Variants in CFAP57 observed in about 807,000 individuals in gnomAD.
The protein encoded by CFAP57 is cilia- and flagella-associated protein 57.
Under a neutral mutation model 146.8 loss-of-function variants are expected in CFAP57, and 116 were observed. The observed-to-expected ratio is 0.79, with a 90% CI of 0.68 to 0.92. CFAP57 has a LOEUF of 0.92. CFAP57 is among the 40% of genes least tolerant of loss of function. The pLI, the probability that CFAP57 is intolerant of heterozygous loss-of-function variation, is 0.00. For synonymous variants in CFAP57, 518 were observed against 552.8 expected, an observed-to-expected ratio of 0.94 and a Z score of 0.88; for missense variants, 1,377 against 1,527.2, an observed-to-expected ratio of 0.90 and a Z score of 1.64.
intron 2 of CFAP57, among the ~76,000 whole-genome samples, chr1:43,178,166 A>G (rs1255789245): frequency 6.6e-6 from 1 of 152,256 alleles, no homozygotes; most frequent in Non-Finnish European, 1.5e-5. Context: ...TAAGTGTTAG[A>G]CCTGAAACCA....
At chr1:43,218,099 C>T (rs968094501) in intron 12 of CFAP57, among the ~76,000 whole-genome samples, 1 of 152,196 alleles carries the variant, frequency 6.6e-6, no homozygotes, top group African/African-American at 2.4e-5. Flanking sequence ...TGTGCGTAAT[C>T]CATTCCTTGA....
At position 43,209,760 on chromosome 1, in the gene CFAP57, G is replaced by T; in HGVS notation, c.1773G>T (p.Ser591=). 6.2e-7 allele frequency: 1 copy of T among 1,614,098 alleles called. No individual in the cohort carries two copies. The highest frequency in any genetic ancestry group is 1.1e-5 in the South Asian group (1 of 91,062). The change falls in exon 11 of 23, where the codon TCG becomes TCT. Residue 591 remains serine, a synonymous_variant. Transcript: ENST00000372492. ...IADSLILREI[S]AFDVTYTAIV... ...TGTCTCAGATCCTTCGAGAGATATC[G>T]GCGTTTGATGTCACCTACACCGCCA... is the stretch of plus-strand genomic sequence containing the variant.
intron 2 of CFAP57, among the ~76,000 whole-genome samples, chr1:43,179,278 TATAATA>T (rs149860494): frequency 0.17 from 26,468 of 151,798 alleles, 3,222 homozygotes; most frequent in African/African-American, 0.32. Context: ...GAACTTAAAG[TATAATA>T]ATAATAATAA....
chr1:43,251,994 TG>T lies in CFAP57; in HGVS notation c.3539-1982del, dbSNP rs374089126. Among the ~76,000 whole-genome samples, 251 of 152,368 alleles carry T rather than the reference TG, an allele frequency of 1.6e-3. 1 individual carries two copies. The highest frequency in any genetic ancestry group is 5.5e-3 in the African/African-American group (228 of 41,598). On this transcript the variant is annotated intron_variant, in intron 22 of 22. Transcript: ENST00000372492. ...GAATGGAATGTAGAATAAGAGATACTGTTCTTTGTAATAAGCCTTATAGAGT... is the reference window on the plus strand; with the variant it reads ...GAATGGAATGTAGAATAAGAGATACTTTCTTTGTAATAAGCCTTATAGAGT...
At chr1:43,186,965 A>C in intron 6 of CFAP57, 106 bp downstream of exon 6, 23 of 1,360,402 alleles carry the variant, frequency 1.7e-5, no homozygotes, top group Non-Finnish European at 2.1e-5. Context: ...GCATAAACTC[A>C]TGCATCCCCT....
rs1341684080 is a variant in CFAP57 at position 43,222,806 on chromosome 1, C to G, written c.2533-18C>G. On this transcript the variant is annotated intron_variant, in intron 15 of 22. Coordinates refer to ENST00000372492, the MANE Select transcript of CFAP57 (RefSeq NM_001378189.1). ...AGTCCCTTCTCCCCTGACCACACGC[C>G]CACTCTCTCTGAGCCAGGCACAGGA... The G allele has an allele frequency of 6.6e-7, 1 of 1,524,164 alleles. No individual in the cohort carries two copies. The highest frequency in any genetic ancestry group is 2.5e-5 in the East Asian group (1 of 40,678). The allele number at this position is 1,524,164 out of a possible 1,614,324, so 94.4% of individuals were successfully genotyped here.
At chr1:43,173,887 T>C (rs929171152) in intron 2 of CFAP57, among the ~76,000 whole-genome samples, 1 of 152,236 alleles carries the variant, frequency 6.6e-6, no homozygotes, top group African/African-American at 2.4e-5. Context: ...TAGAAGTGCA[T>C]AAGAGTTCTT....
chr1:43,200,276 A>G (rs992765051), intron 9 of CFAP57, among the ~76,000 whole-genome samples: 5 of 152,140 alleles, frequency 3.3e-5, no homozygotes, highest in African/African-American at 9.7e-5. Context: ...GCTTGCACTC[A>G]GGAGTTCGAG....
At chr1:43,199,326 C>G in intron 8 of CFAP57, 64 bp from the exon 9 acceptor site, 1 of 1,511,490 alleles carries the variant, frequency 6.6e-7, no homozygotes, top group Non-Finnish European at 9.2e-7. Context: ...CACCTCTTGA[C>G]TGTAACCTCT....
chr1:43,234,546 C>T lies in CFAP57; in HGVS notation c.3313C>T (p.Arg1105Trp), dbSNP rs1349171718. ...CCTGCAGCAGGAGTACACCCGGCAG[C>T]GGGAGCACCTGGAGAGGAACCTGGC... ...TDLQQEYTRQ[R>W]EHLERNLATL... Residue 1105 changes from arginine (R) to tryptophan (W), a missense_variant, in exon 21 of 23, where the codon CGG becomes TGG. Coordinates refer to ENST00000372492, the MANE Select transcript of CFAP57 (RefSeq NM_001378189.1). 41 of 1,550,220 alleles carry T rather than the reference C, an allele frequency of 2.6e-5. No individual in the cohort carries two copies. The highest frequency in any genetic ancestry group is 2.8e-5 in the Non-Finnish European group (32 of 1,146,894).
intron 6 of CFAP57, among the ~76,000 whole-genome samples, chr1:43,192,778 T>C (rs192836376): frequency 6.7e-6 from 1 of 149,994 alleles, no homozygotes; most frequent in Admixed American, 6.7e-5. Flanking sequence ...TACAAAAAAA[T>C]TAGCTGGGCG....
intron 5 of CFAP57, 44 bp downstream of exon 5, chr1:43,185,400 G>T: frequency 6.3e-7 from 1 of 1,575,762 alleles, no homozygotes; most frequent in South Asian, 1.1e-5. Context: ...GGGTCCTATT[G>T]GCATTTGTTC....
chr1:43,190,160 C>T (rs1456086681), intron 6 of CFAP57, among the ~76,000 whole-genome samples: 3 of 151,880 alleles, frequency 2.0e-5, no homozygotes, highest in Non-Finnish European at 4.4e-5. Context: ...TACTTATTTT[C>T]CTTGCCTAGT....
At chr1:43,208,819 A>T (rs1644470739) in intron 10 of CFAP57, among the ~76,000 whole-genome samples, 1 of 151,678 alleles carries the variant, frequency 6.6e-6, no homozygotes, top group Non-Finnish European at 1.5e-5. Flanking sequence ...AGAAAAAAAA[A>T]ATATGTGTGT....
At chr1:43,244,916 C>CA (rs1402571218) in intron 22 of CFAP57, among the ~76,000 whole-genome samples, 1 of 151,696 alleles carries the variant, frequency 6.6e-6, no homozygotes, top group Non-Finnish European at 1.5e-5. Flanking sequence ...AAACAAAAAA[C>CA]AAAAAAACAA....
rs1645151280 is a variant in CFAP57, at chr1:43,224,084, T to A, written c.2745T>A (p.Asn915Lys). The change falls in exon 17 of 23, where the codon AAT (asparagine) becomes AAA (lysine). Residue 915 changes from asparagine to lysine, a missense_variant. Coordinates refer to ENST00000372492, the MANE Select transcript of CFAP57 (RefSeq NM_001378189.1). Reference sequence around the variant, plus strand: ...AGAAGGAGATTGAAGAACGAACCAATGACATCGAGACCCTAAAAGGAGAGC... The same window carrying A: ...AGAAGGAGATTGAAGAACGAACCAAAGACATCGAGACCCTAAAAGGAGAGC... ...SLQKEIEERTNDIETLKGEQM... is the reference protein window; with the variant it reads ...SLQKEIEERTKDIETLKGEQM... 6.4e-7 allele frequency: 1 copy of A among 1,550,502 alleles called. No homozygotes were observed. The highest frequency in any genetic ancestry group is 1.2e-5 in the South Asian group (1 of 84,050).
At chr1:43,216,498 G>A (rs1417703326) in intron 12 of CFAP57, among the ~76,000 whole-genome samples, 3 of 152,028 alleles carry the variant, frequency 2.0e-5, no homozygotes, top group African/African-American at 7.3e-5. Context: ...AGGGGAAGAG[G>A]CCAAATAGGA....
At chr1:43,184,141 T>C (rs1276281005) in intron 4 of CFAP57, among the ~76,000 whole-genome samples, 1 of 152,198 alleles carries the variant, frequency 6.6e-6, no homozygotes, top group African/African-American at 2.4e-5. Context: ...AAACTATAGT[T>C]TTTAGAAAAT....
intron 1 of CFAP57, 38 bp from the exon 2 acceptor site, chr1:43,172,697 T>A: frequency 1.2e-6 from 2 of 1,608,490 alleles, no homozygotes; most frequent in South Asian, 1.1e-5. Flanking sequence ...AGCGGGGCGG[T>A]GCTCTCCACT....
Sources: allele counts gnomAD v4.1 joint callset (sites outside exome capture counted in the v4.1 genomes callset), GRCh38; gene constraint gnomAD v4.1.1; transcripts MANE v1.5; gene names NCBI Gene and HGNC (gene_info 2026-07-23, HGNC 2026-07-21).